XYLT1: variants seen among roughly 807,000 people sequenced by gnomAD.
XYLT1 encodes the protein beta-D-xylosyltransferase 1.
A neutral mutation model predicts 91.3 loss-of-function variants in XYLT1; 36 were observed. That is an observed-to-expected ratio of 0.39 (90% confidence interval 0.30 to 0.52). XYLT1 has a LOEUF of 0.52. XYLT1 is among the 20% of genes least tolerant of loss of function. The pLI is 0.68. For missense variants in XYLT1, 1,242 were observed against 1,284.5 expected, an observed-to-expected ratio of 0.97 and a Z score of 0.51; for synonymous variants, 588 against 532.0, an observed-to-expected ratio of 1.11 and a Z score of -1.45.
At chr16:17,156,744 T>C (rs1454940979) in intron 6 of XYLT1, among the ~76,000 whole-genome samples, 2 of 152,206 alleles carry the variant, frequency 1.3e-5, no homozygotes, top group Non-Finnish European at 2.9e-5. Flanking sequence ...CAGGCCTCTG[T>C]ACTCTTAGTG....
intron 1 of XYLT1, among the ~76,000 whole-genome samples, chr16:17,360,086 T>C (rs1028866771): frequency 6.6e-6 from 1 of 152,198 alleles, no homozygotes; most frequent in African/African-American, 2.4e-5. Flanking sequence ...CACCTCGATT[T>C]TGATTATAAG....
chr16:17,183,515 C>G lies in XYLT1; in HGVS notation c.1289+14697G>C, dbSNP rs72777735. On this transcript the variant is annotated intron_variant, in intron 5 of 11. Transcript: ENST00000261381. ...GCATGCATTTAAATCCTGGCTCCAA[C>G]CCCCACCAGTTGTGAGACACTGAGA... 2.0e-3 allele frequency among the ~76,000 whole-genome samples: 309 copies of G among 152,252 alleles called. 2 individuals carry two copies. Among genetic ancestry groups the G allele is most frequent in the African/African-American group, 7.2e-3 (300 of 41,536 alleles).
Position 17,444,426 on chromosome 16 carries a change from C to T in XYLT1, c.363+26008G>A, listed in dbSNP as rs543318850. Among the ~76,000 whole-genome samples the T allele has an allele frequency of 1.8e-4, 27 of 152,268 alleles. No individual in the cohort carries two copies. The South Asian group carries it at 5.0e-3, about 28-fold the overall frequency. ...TCACAGCTCACTGTAACCTCAAACTCCTGGGCTTCAGTGATCTTCCTGCCT... is the reference window on the plus strand; with the variant it reads ...TCACAGCTCACTGTAACCTCAAACTTCTGGGCTTCAGTGATCTTCCTGCCT... On this transcript the variant is annotated intron_variant, in intron 1 of 11. Coordinates refer to ENST00000261381, the MANE Select transcript of XYLT1 (RefSeq NM_022166.4).
chr16:17,159,972 C>T (rs887476615), intron 5 of XYLT1, among the ~76,000 whole-genome samples: 1 of 152,114 alleles, frequency 6.6e-6, no homozygotes, highest in African/African-American at 2.4e-5. Context: ...CAAAGGAAAG[C>T]GTTAACTATT....
At chr16:17,335,070 C>A (rs191363464) in intron 2 of XYLT1, among the ~76,000 whole-genome samples, 102 of 150,848 alleles carry the variant, frequency 6.8e-4, no homozygotes, top group Admixed American at 1.2e-3. Context: ...CTCAAAAATA[C>A]AAAAATCAGC....
chr16:17,413,971 C>A (rs1022633410), intron 1 of XYLT1, among the ~76,000 whole-genome samples: 2 of 152,142 alleles, frequency 1.3e-5, no homozygotes, highest in South Asian at 4.1e-4. Flanking sequence ...CCCTCTAGAG[C>A]CCAAAGCCCT....
intron 10 of XYLT1, among the ~76,000 whole-genome samples, chr16:17,118,526 G>A (rs1269978779): frequency 6.6e-6 from 1 of 152,086 alleles, no homozygotes; most frequent in Non-Finnish European, 1.5e-5. Context: ...GGTTTCCTAG[G>A]AAGAGACAGC....
chr16:17,378,347 T>C (rs1415919043), intron 1 of XYLT1, among the ~76,000 whole-genome samples: 2 of 152,150 alleles, frequency 1.3e-5, no homozygotes, highest in Non-Finnish European at 2.9e-5. Flanking sequence ...ACCTTTTAAA[T>C]AATATACACT....
chr16:17,367,919 G>GT (rs1408050587), intron 1 of XYLT1, among the ~76,000 whole-genome samples: 1 of 152,142 alleles, frequency 6.6e-6, no homozygotes, highest in East Asian at 1.9e-4. Context: ...TAGAATGTCA[G>GT]TTTTTTGATA....
At chr16:17,305,785 T>C (rs369198223) in intron 2 of XYLT1, among the ~76,000 whole-genome samples, 42 of 152,290 alleles carry the variant, frequency 2.8e-4, no homozygotes, top group African/African-American at 9.9e-4. Context: ...CCCCAGACTC[T>C]GACTTCCGGA....
intron 5 of XYLT1, among the ~76,000 whole-genome samples, chr16:17,173,851 C>T (rs1433064409): frequency 6.6e-6 from 1 of 152,232 alleles, no homozygotes. Context: ...GCCTCAATTT[C>T]CTTGTCTAAG....
chr16:17,228,555 T>A (rs546899502), intron 3 of XYLT1, among the ~76,000 whole-genome samples: 1 of 152,266 alleles, frequency 6.6e-6, no homozygotes, highest in South Asian at 2.1e-4. Flanking sequence ...ATAGGGGACT[T>A]AGAAGCTCCA....
intron 4 of XYLT1, among the ~76,000 whole-genome samples, chr16:17,199,479 T>C (rs1170261322): frequency 6.6e-6 from 1 of 152,176 alleles, no homozygotes; most frequent in East Asian, 1.9e-4. Flanking sequence ...ATAGAAAAAG[T>C]GTACGCACTC....
intron 5 of XYLT1, among the ~76,000 whole-genome samples, chr16:17,195,507 G>A (rs561057670): frequency 3.3e-5 from 5 of 151,864 alleles, no homozygotes; most frequent in African/African-American, 4.8e-5. Flanking sequence ...GTACAGTGGC[G>A]CGATATCGGC....
At chr16:17,451,530 T>C (rs554174840) in intron 1 of XYLT1, among the ~76,000 whole-genome samples, 1 of 152,202 alleles carries the variant, frequency 6.6e-6, no homozygotes, top group Non-Finnish European at 1.5e-5. Flanking sequence ...TGGCACCTAG[T>C]AGGCTCTTGG....
At chr16:17,340,707 T>TG (rs1417375704) in intron 2 of XYLT1, among the ~76,000 whole-genome samples, 1 of 152,204 alleles carries the variant, frequency 6.6e-6, no homozygotes, top group African/African-American at 2.4e-5. Flanking sequence ...CACAGGTTTA[T>TG]GGGGAGATTA....
At chr16:17,409,114 T>G (rs2036073387) in intron 1 of XYLT1, among the ~76,000 whole-genome samples, 1 of 152,104 alleles carries the variant, frequency 6.6e-6, no homozygotes. Flanking sequence ...CTTCTAAAAG[T>G]GAACAGAAGG....
At chr16:17,229,150 TG>T (rs1234980527) in intron 3 of XYLT1, among the ~76,000 whole-genome samples, 1 of 152,108 alleles carries the variant, frequency 6.6e-6, no homozygotes, top group Non-Finnish European at 1.5e-5. Flanking sequence ...TTGTATTTTT[TG>T]TACAGATCTG....
Position 17,297,402 on chromosome 16 carries a change from C to T in XYLT1, c.403-37904G>A, listed in dbSNP as rs1185078821. Among the ~76,000 whole-genome samples the T allele has an allele frequency of 4.6e-5, 7 of 152,008 alleles. No homozygotes were observed. The East Asian group carries it at 1.4e-3, about 30-fold the overall frequency. ...GGCAACAAAGTGAGACCCGCCCCCA[C>T]CGACGGTGTCTCTAGGAAAAGTAAA... On this transcript the variant is annotated intron_variant, in intron 2 of 11. Coordinates refer to ENST00000261381, the MANE Select transcript of XYLT1 (RefSeq NM_022166.4).
Sources: gnomAD v4.1 joint callset for allele counts (sites outside exome capture counted in the v4.1 genomes callset) on GRCh38, gnomAD v4.1.1 for gene constraint, MANE v1.5 for transcripts, NCBI Gene and HGNC (gene_info 2026-07-23, HGNC 2026-07-21) for gene names.